Variants in CAMK4 observed in about 807,000 individuals in gnomAD.
CAMK4 encodes calcium/calmodulin-dependent protein kinase type IV.
Under a neutral mutation model 44.9 loss-of-function variants are expected in CAMK4, and 22 were observed. The observed-to-expected ratio is 0.49, with a 90% confidence interval of 0.35 to 0.70. The LOEUF is 0.70. Ranked by LOEUF, CAMK4 falls within the 30% of genes least tolerant of loss-of-function variation. CAMK4 has a pLI of 0.01. For missense variants in CAMK4, 498 were observed against 586.8 expected (o/e 0.85, Z 1.56); for synonymous variants, 218 against 215.4 (o/e 1.01, Z -0.11).
At position 111,486,522 on chromosome 5, in the gene CAMK4, CA is replaced by C. The variant is rs1389662895; in HGVS notation, c.*2057del. ...TGAAACACACACACACACACACACA[CA>C]CACACACACACACACACACGTGTTG... On this transcript the variant is annotated 3_prime_UTR_variant, in exon 11 of 11. Coordinates refer to ENST00000282356, the MANE Select transcript of CAMK4 (RefSeq NM_001744.6). 4 of 134,560 alleles carry C rather than the reference CA, an allele frequency of 3.0e-5. No individual in the cohort carries two copies. The highest frequency in any genetic ancestry group is 4.7e-5 in the Non-Finnish European group (3 of 63,314). 8.3% of individuals were successfully genotyped at this position (134,560 alleles called of 1,614,324 possible).
chr5:111,261,321 G>T (rs1418523260), intron 1 of CAMK4, among the ~76,000 whole-genome samples: 1 of 152,156 alleles, frequency 6.6e-6, no homozygotes, highest in Non-Finnish European at 1.5e-5. Flanking sequence ...CACAATGTCT[G>T]GTGCATAATA....
At chr5:111,335,889 G>T (rs1356451144) in intron 1 of CAMK4, among the ~76,000 whole-genome samples, 4 of 151,210 alleles carry the variant, frequency 2.6e-5, no homozygotes, top group Non-Finnish European at 5.9e-5. Flanking sequence ...CACATTACAG[G>T]TTTGACAACT....
At chr5:111,286,679 A>G (rs73786872) in intron 1 of CAMK4, among the ~76,000 whole-genome samples, 6 of 152,202 alleles carry the variant, frequency 3.9e-5, no homozygotes, top group African/African-American at 1.4e-4. Context: ...TTTAGCTGCT[A>G]TAAAGACTTT....
At chr5:111,459,127 T>G (rs957099651) in intron 7 of CAMK4, among the ~76,000 whole-genome samples, 2 of 152,090 alleles carry the variant, frequency 1.3e-5, no homozygotes, top group African/African-American at 4.8e-5. Context: ...CATGAGACTA[T>G]CAGGCATCCC....
In CAMK4 at chr5:111,228,091, A is replaced by G. The variant is rs118083894; in HGVS notation, c.161+3447A>G. 5.6e-4 allele frequency among the ~76,000 whole-genome samples: 85 copies of G among 152,326 alleles called. 3 individuals carry two copies. The East Asian group carries it at 0.015, about 27-fold the overall frequency. On this transcript the variant is annotated intron_variant, in intron 1 of 10. Transcript: ENST00000282356. Reference sequence around the variant, plus strand: ...AGATTTCGTCTGTGCATGCAAACCCATGTCCTGTTTTCAGTTGTCTCACCT... The same window carrying G: ...AGATTTCGTCTGTGCATGCAAACCCGTGTCCTGTTTTCAGTTGTCTCACCT...
At chr5:111,256,888 T>G (rs1749766584) in intron 1 of CAMK4, among the ~76,000 whole-genome samples, 1 of 152,210 alleles carries the variant, frequency 6.6e-6, no homozygotes, top group African/African-American at 2.4e-5. Context: ...GTAAGAGTCA[T>G]GCCAGCAACA....
At chr5:111,256,525 A>G (rs1310898865) in intron 1 of CAMK4, among the ~76,000 whole-genome samples, 1 of 152,184 alleles carries the variant, frequency 6.6e-6, no homozygotes, top group African/African-American at 2.4e-5. Context: ...TCTTTATACT[A>G]GTTTTGAGAC....
At chr5:111,285,848 T>C (rs1488540025) in intron 1 of CAMK4, among the ~76,000 whole-genome samples, 3 of 152,198 alleles carry the variant, frequency 2.0e-5, no homozygotes, top group African/African-American at 7.2e-5. Flanking sequence ...TTTGAGGGAA[T>C]TGCTTTTGGC....
intron 4 of CAMK4, among the ~76,000 whole-genome samples, chr5:111,385,471 A>G (rs1245718033): frequency 2.0e-5 from 3 of 152,048 alleles, no homozygotes; most frequent in Non-Finnish European, 4.4e-5. Flanking sequence ...CTTAGTCTCA[A>G]TTTTAAAAGC....
intron 5 of CAMK4, among the ~76,000 whole-genome samples, chr5:111,405,898 A>G (rs930926450): frequency 3.9e-5 from 6 of 152,208 alleles, no homozygotes; most frequent in Admixed American, 2.6e-4. Flanking sequence ...ACTAAGCTCA[A>G]AATTTCCCTT....
intron 1 of CAMK4, among the ~76,000 whole-genome samples, chr5:111,286,452 A>G (rs559597154): frequency 6.6e-6 from 1 of 152,188 alleles, no homozygotes; most frequent in Non-Finnish European, 1.5e-5. Flanking sequence ...ATGTGGTGTG[A>G]TTGTAAGTTA....
chr5:111,344,139 G>T, intron 2 of CAMK4, 37 bp downstream of exon 2: 1 of 1,230,058 alleles, frequency 8.1e-7, no homozygotes, highest in South Asian at 1.2e-5. Context: ...TCTCTAAGGG[G>T]CCTGTGACCT....
At chr5:111,351,044 C>A (rs936834400) in intron 2 of CAMK4, among the ~76,000 whole-genome samples, 1 of 152,082 alleles carries the variant, frequency 6.6e-6, no homozygotes, top group Non-Finnish European at 1.5e-5. Flanking sequence ...ACCATTTATA[C>A]CACTGGGTAA....
At chr5:111,242,007 G>C (rs1749014527) in intron 1 of CAMK4, among the ~76,000 whole-genome samples, 1 of 152,162 alleles carries the variant, frequency 6.6e-6, no homozygotes, top group Non-Finnish European at 1.5e-5. Flanking sequence ...ATTTAAGATG[G>C]ACTGTTGGAA....
intron 2 of CAMK4, among the ~76,000 whole-genome samples, chr5:111,347,835 G>A (rs1167133782): frequency 2.6e-5 from 4 of 151,988 alleles, no homozygotes; most frequent in Admixed American, 2.6e-4. Flanking sequence ...TCTGTTTTGA[G>A]GGAGATTTAA....
At chr5:111,446,812 T>C (rs758433132) in intron 6 of CAMK4, 36 bp downstream of exon 6, 2 of 1,299,180 alleles carry the variant, frequency 1.5e-6, no homozygotes, top group Non-Finnish European at 2.2e-6. Context: ...GACCCCTTTT[T>C]TCAGAGCAGA....
intron 2 of CAMK4, among the ~76,000 whole-genome samples, chr5:111,350,665 A>G (rs7724518): frequency 0.044 from 6,661 of 152,086 alleles, 503 homozygotes; most frequent in African/African-American, 0.15. Context: ...TATTTTAGTT[A>G]TTATAATACC....
intron 1 of CAMK4, among the ~76,000 whole-genome samples, chr5:111,286,596 A>G (rs1410981564): frequency 1.3e-5 from 2 of 152,200 alleles, no homozygotes; most frequent in African/African-American, 2.4e-5. Context: ...ACTCAAATCC[A>G]GTTCTTCTGG....
intron 1 of CAMK4, among the ~76,000 whole-genome samples, chr5:111,313,233 T>C (rs988517143): frequency 1.3e-5 from 2 of 152,108 alleles, no homozygotes; most frequent in African/African-American, 4.8e-5. Flanking sequence ...GTAGCAGCTC[T>C]GTCTCACCCC....
Sources: gnomAD v4.1 joint callset for allele counts (sites outside exome capture counted in the v4.1 genomes callset) on GRCh38, gnomAD v4.1.1 for gene constraint, MANE v1.5 for transcripts, NCBI Gene and HGNC (gene_info 2026-07-23, HGNC 2026-07-21) for gene names.